Variants in SLC35F1 observed in about 807,000 individuals in gnomAD.
SLC35F1 encodes the protein solute carrier family 35 member F1, also known as chromosome 6 open reading frame 169.
In SLC35F1, 14 loss-of-function variants were observed where a neutral mutation model predicts 48.7. The ratio of observed to expected loss-of-function variants is 0.29; its 90% CI spans 0.19 to 0.45. SLC35F1 has a LOEUF of 0.45. SLC35F1 is among the 20% of genes least tolerant of loss of function. The probability of loss-of-function intolerance (pLI) is 1.00; values close to 1 mark genes in which losing one functional copy is unlikely to be tolerated. For synonymous variants in SLC35F1, 190 were observed against 202.2 expected, an observed-to-expected ratio of 0.94 and a Z score of 0.51; for missense variants, 404 against 500.0, an observed-to-expected ratio of 0.81 and a Z score of 1.83.
At chr6:117,982,315 T>C (rs1485424566) in intron 1 of SLC35F1, among the ~76,000 whole-genome samples, 2 of 152,194 alleles carry the variant, frequency 1.3e-5, no homozygotes, top group African/African-American at 4.8e-5. Context: ...TTTTGAAAAT[T>C]ACTGAATTGC....
At chr6:118,286,917 C>G (rs928326044) in intron 7 of SLC35F1, among the ~76,000 whole-genome samples, 3 of 152,064 alleles carry the variant, frequency 2.0e-5, no homozygotes, top group Non-Finnish European at 4.4e-5. Context: ...AGAACTTACT[C>G]ATTTTATAAC....
chr6:118,162,326 C>G (rs1490114122), intron 2 of SLC35F1, among the ~76,000 whole-genome samples: 2 of 152,078 alleles, frequency 1.3e-5, no homozygotes, highest in East Asian at 1.9e-4. Context: ...AAACACAAAA[C>G]TATAAGGACA....
At chr6:118,036,908 G>A (rs530330622) in intron 1 of SLC35F1, among the ~76,000 whole-genome samples, 12 of 152,252 alleles carry the variant, frequency 7.9e-5, no homozygotes, top group African/African-American at 1.4e-4. Context: ...AAAGAGGGGT[G>A]TTATGACCTC....
chr6:117,948,029 A>T (rs1291545098), intron 1 of SLC35F1, among the ~76,000 whole-genome samples: 1 of 152,180 alleles, frequency 6.6e-6, no homozygotes, highest in Non-Finnish European at 1.5e-5. Context: ...CTAATACAAA[A>T]ACATTTTGTG....
rs35420310 is a variant in SLC35F1, at chr6:117,966,131, GCC to G, written c.173+58242_173+58243del. On this transcript the variant is annotated intron_variant, in intron 1 of 7. Coordinates refer to ENST00000360388, the MANE Select transcript of SLC35F1 (RefSeq NM_001029858.4). ...AATAAGGGAATAAAAGCAGGCCACC[GCC>G]CCCCCCCCCACTCCCGCCCCGCCCC... 1.3e-4 allele frequency among the ~76,000 whole-genome samples: 13 copies of G among 101,168 alleles called. 1 individual carries two copies. Among genetic ancestry groups the G allele is most frequent in the South Asian group, 5.6e-4 (2 of 3,546 alleles). 66.4% of individuals were successfully genotyped at this position (101,168 alleles called of 152,430 possible).
intron 2 of SLC35F1, among the ~76,000 whole-genome samples, chr6:118,180,580 A>G (rs1364437831): frequency 6.6e-6 from 1 of 152,150 alleles, no homozygotes; most frequent in East Asian, 1.9e-4. Context: ...AAACCAATAT[A>G]GAGATAAAAC....
intron 1 of SLC35F1, among the ~76,000 whole-genome samples, chr6:118,091,213 A>G (rs1276115894): frequency 1.3e-5 from 2 of 152,176 alleles, no homozygotes. Flanking sequence ...CTCAGTGGCA[A>G]TGCCTAATGG....
At chr6:118,020,852 C>G (rs1237058688) in intron 1 of SLC35F1, among the ~76,000 whole-genome samples, 2 of 152,056 alleles carry the variant, frequency 1.3e-5, no homozygotes, top group Non-Finnish European at 2.9e-5. Context: ...GTGAATATGA[C>G]TGAGCACTTT....
intron 1 of SLC35F1, among the ~76,000 whole-genome samples, chr6:117,912,175 T>C (rs943824836): frequency 7.9e-5 from 12 of 152,240 alleles, no homozygotes; most frequent in Admixed American, 3.3e-4. Context: ...ATCATTAGAA[T>C]GGAATCACTA....
chr6:118,065,740 TA>T (rs142787198), intron 1 of SLC35F1, among the ~76,000 whole-genome samples: 1,643 of 152,326 alleles, frequency 0.011, 24 homozygotes, highest in African/African-American at 0.038. Context: ...ATTACTTTCA[TA>T]AAGATTAGGT....
At chr6:117,942,482 A>C (rs1393158467) in intron 1 of SLC35F1, among the ~76,000 whole-genome samples, 1 of 152,224 alleles carries the variant, frequency 6.6e-6, no homozygotes, top group African/African-American at 2.4e-5. Flanking sequence ...ATTAACCTCC[A>C]TTCTATACAG....
chr6:118,112,417 G>T (rs925025153), intron 1 of SLC35F1, among the ~76,000 whole-genome samples: 1 of 152,132 alleles, frequency 6.6e-6, no homozygotes, highest in South Asian at 2.1e-4. Flanking sequence ...TACAAGCATT[G>T]TACCTAGGGT....
chr6:118,203,154 A>T (rs551962395), intron 2 of SLC35F1, among the ~76,000 whole-genome samples: 2 of 152,324 alleles, frequency 1.3e-5, no homozygotes, highest in Non-Finnish European at 2.9e-5. Context: ...TTCTCTCCTC[A>T]TATTCACTCC....
chr6:118,223,339 G>GT (rs1775175556), intron 2 of SLC35F1, among the ~76,000 whole-genome samples: 1 of 152,100 alleles, frequency 6.6e-6, no homozygotes, highest in Admixed American at 6.5e-5. Context: ...TTACCAAGCA[G>GT]TTACTGCGAG....
chr6:118,306,672 A>G (rs970822575), intron 7 of SLC35F1, among the ~76,000 whole-genome samples: 2 of 152,226 alleles, frequency 1.3e-5, no homozygotes, highest in Admixed American at 6.5e-5. Context: ...TGAGCCTATA[A>G]TTAAACATTC....
At chr6:118,105,884 G>A (rs1773321128) in intron 1 of SLC35F1, among the ~76,000 whole-genome samples, 1 of 152,112 alleles carries the variant, frequency 6.6e-6, no homozygotes, top group Admixed American at 6.6e-5. Context: ...ATAGTATGAT[G>A]ACCTTATTCA....
At chr6:118,133,025 G>A (rs1274126677) in intron 1 of SLC35F1, among the ~76,000 whole-genome samples, 4 of 152,142 alleles carry the variant, frequency 2.6e-5, no homozygotes, top group African/African-American at 9.7e-5. Flanking sequence ...GGCTCTATAT[G>A]CTCCCCTGGA....
intron 1 of SLC35F1, among the ~76,000 whole-genome samples, chr6:118,070,476 A>G (rs532682376): frequency 2.6e-5 from 4 of 152,262 alleles, no homozygotes; most frequent in African/African-American, 9.6e-5. Context: ...AACTATATAA[A>G]TCTGATAAAA....
intron 3 of SLC35F1, among the ~76,000 whole-genome samples, chr6:118,261,160 C>A (rs1199550339): frequency 6.6e-6 from 1 of 152,200 alleles, no homozygotes; most frequent in Non-Finnish European, 1.5e-5. Context: ...AATATAAATT[C>A]TGTCCCCATG....
Sources: gnomAD v4.1 joint callset for allele counts (sites outside exome capture counted in the v4.1 genomes callset) on GRCh38, gnomAD v4.1.1 for gene constraint, MANE v1.5 for transcripts, NCBI Gene and HGNC (gene_info 2026-07-23, HGNC 2026-07-21) for gene names.